Variants in NDST1 observed in about 807,000 individuals in gnomAD.
NDST1 encodes the protein N-deacetylase and N-sulfotransferase 1.
A neutral mutation model predicts 92.8 loss-of-function variants in NDST1; 35 were observed. That is an observed-to-expected ratio of 0.38 (90% CI 0.29 to 0.50). NDST1 has a LOEUF of 0.50. Ranked by LOEUF, NDST1 falls within the 20% of genes least tolerant of loss-of-function variation. NDST1 has a pLI of 0.94. For missense variants in NDST1, 822 were observed against 1,182.7 expected, an observed-to-expected ratio of 0.69 and a Z score of 4.47; for synonymous variants, 493 against 500.3, an observed-to-expected ratio of 0.99 and a Z score of 0.19.
intron 4 of NDST1, 77 bp from the exon 5 acceptor site, chr5:150,534,790 C>A (rs769031648): frequency 1.3e-6 from 2 of 1,588,850 alleles, no homozygotes; most frequent in Non-Finnish European, 1.7e-6. Flanking sequence ...GCCATGCTCT[C>A]CCATCCCCAG....
chr5:150,543,202 C>A (rs2304062), intron 10 of NDST1, among the ~76,000 whole-genome samples: 1 of 152,222 alleles, frequency 6.6e-6, no homozygotes, highest in Non-Finnish European at 1.5e-5. Context: ...TGTAGTCAGA[C>A]GCTGAGGTCG....
intron 1 of NDST1, among the ~76,000 whole-genome samples, chr5:150,512,437 C>T (rs145191757): frequency 6.6e-6 from 1 of 152,366 alleles, no homozygotes; most frequent in East Asian, 1.9e-4. Flanking sequence ...GTGGAAAGGT[C>T]ATGGTCGCCA....
intron 1 of NDST1, among the ~76,000 whole-genome samples, chr5:150,511,335 T>C (rs1753711776): frequency 6.6e-6 from 1 of 152,184 alleles, no homozygotes; most frequent in Non-Finnish European, 1.5e-5. Context: ...TCAGTGAAGT[T>C]GGGAGCCCCA....
intron 2 of NDST1, 113 bp from the exon 3 acceptor site, chr5:150,527,691 T>G: frequency 6.7e-7 from 1 of 1,495,874 alleles, no homozygotes; most frequent in Non-Finnish European, 9.1e-7. Flanking sequence ...GAGCCCTCCA[T>G]GAATGTTGGT....
chr5:150,551,388 C>T (rs1459009382), intron 13 of NDST1, among the ~76,000 whole-genome samples: 1 of 151,258 alleles, frequency 6.6e-6, no homozygotes, highest in Non-Finnish European at 1.5e-5. Flanking sequence ...AAGAAGGCTT[C>T]TTGGGTTTAA....
intron 6 of NDST1, among the ~76,000 whole-genome samples, chr5:150,536,920 A>G (rs1380979763): frequency 1.3e-5 from 2 of 152,256 alleles, no homozygotes; most frequent in Admixed American, 6.5e-5. Flanking sequence ...AGAACGGAGG[A>G]AAGTTCCTGC....
chr5:150,534,743 C>T lies in NDST1; in HGVS notation c.1097-124C>T, dbSNP rs1217631418. 5 of 1,161,578 alleles carry T rather than the reference C, an allele frequency of 4.3e-6. No homozygotes were observed. The East Asian group carries it at 9.5e-5, about 22-fold the overall frequency. 72.0% of individuals were successfully genotyped at this position (1,161,578 alleles called of 1,614,324 possible). A position where few individuals can be genotyped will look rare whatever the true frequency, so the allele number is the denominator to read the frequency against. On this transcript the variant is annotated intron_variant, in intron 4 of 14. Transcript: ENST00000261797. Reference sequence around the variant, plus strand: ...CTCTGTCTGCTCCTGTGCTGTAGCCCAGATAACTCTTCCAGGCAGCTCCTG... The same window carrying T: ...CTCTGTCTGCTCCTGTGCTGTAGCCTAGATAACTCTTCCAGGCAGCTCCTG...
chr5:150,553,739 G>A lies in NDST1; in HGVS notation c.*407G>A, dbSNP rs1237438021. On this transcript the variant is annotated 3_prime_UTR_variant, in exon 15 of 15. Transcript: ENST00000261797. This position sits in a 1 kb window ranked among gnomAD's most constrained non-coding sequence, Gnocchi z 4.2. ...TATGTCCCTGTCCTCCAGGCTGTAG[G>A]GGAGGAGAGCCTGGCCGGGGGAGAC... 4.3e-5 allele frequency: 18 copies of A among 417,174 alleles called. No homozygotes were observed. The Admixed American group carries it at 5.4e-4, about 12-fold the overall frequency. The allele number at this position is 417,174 out of a possible 1,614,324, so 25.8% of individuals were successfully genotyped here. A position where few individuals can be genotyped will look rare whatever the true frequency, so the allele number is the denominator to read the frequency against.
At chr5:150,539,009 T>C (rs578021961) in intron 6 of NDST1, among the ~76,000 whole-genome samples, 1 of 152,372 alleles carries the variant, frequency 6.6e-6, no homozygotes, top group African/African-American at 2.4e-5. Flanking sequence ...CCTGCTCATT[T>C]TGTGCAGAGA....
Position 150,539,310 on chromosome 5 carries a change from A to G in NDST1, c.1520A>G (p.Lys507Arg). The change falls in exon 7 of 15, where the codon AAG becomes AGG. Residue 507 changes from lysine (K) to arginine (R), a missense_variant. Transcript: ENST00000261797. ...EYPGGSSELDKIINGGELFLT... is the reference protein window; with the variant it reads ...EYPGGSSELDRIINGGELFLT... ...CCTGGCGGCTCCAGTGAGCTGGACA[A>G]GATCATCAACGGGGGCGAGCTCTTC... The G allele has an allele frequency of 6.2e-7, 1 of 1,614,200 alleles. No homozygotes were observed. The highest frequency in any genetic ancestry group is 8.5e-7 in the Non-Finnish European group (1 of 1,180,038).
upstream of NDST1, among the ~76,000 whole-genome samples, chr5:150,504,684 C>T (rs1300388250): frequency 6.6e-6 from 1 of 152,164 alleles, no homozygotes; most frequent in Non-Finnish European, 1.5e-5. Flanking sequence ...GCCTGGTGAC[C>T]TTGGGCATGA....
At chr5:150,540,032 G>A (rs1206620983) in intron 7 of NDST1, 50 bp from the exon 8 acceptor site, 2 of 1,606,402 alleles carry the variant, frequency 1.2e-6, no homozygotes, top group African/African-American at 1.3e-5. Context: ...CGGTGAGGGT[G>A]GCTCAGACAC....
intron 2 of NDST1, among the ~76,000 whole-genome samples, chr5:150,526,616 A>G (rs1754488746): frequency 6.6e-6 from 1 of 152,214 alleles, no homozygotes; most frequent in African/African-American, 2.4e-5. Context: ...GGGAGATAGA[A>G]CGCTGAAAAT....
rs776599855 is a variant in NDST1, at chr5:150,548,380, G to A, written c.2308G>A (p.Ala770Thr). 1.7e-5 allele frequency: 28 copies of A among 1,611,406 alleles called. No homozygotes were observed. Among genetic ancestry groups the A allele is most frequent in the Admixed American group, 1.7e-4 (10 of 59,994 alleles). The change falls in exon 12 of 15, where the codon GCC (alanine) becomes ACC (threonine). Residue 770 changes from alanine to threonine, a missense_variant. Ala to Thr is a moderately conservative substitution (Grantham distance 58). Coordinates refer to ENST00000261797, the MANE Select transcript of NDST1 (RefSeq NM_001543.5). ...CGAGCGCTGGCTCAGTGCCTATCAC[G>A]CCAACCAGGTAGCTGCTGTCCCTGA... is the stretch of plus-strand genomic sequence containing the variant. ...HIERWLSAYH[A>T]NQILVLDGKL...
intron 3 of NDST1, among the ~76,000 whole-genome samples, chr5:150,528,922 G>A (rs1754593341): frequency 6.6e-6 from 1 of 152,218 alleles, no homozygotes; most frequent in Non-Finnish European, 1.5e-5. Flanking sequence ...GATGGGAGCT[G>A]TACAATGCTG....
rs555751055 is a variant in NDST1, at chr5:150,520,798, C to G, written c.-387-70C>G. 7.7e-5 allele frequency: 31 copies of G among 403,658 alleles called. No individual in the cohort carries two copies. In the East Asian group the frequency reaches 9.5e-4, roughly 12 times the overall value. 25.0% of individuals were successfully genotyped at this position (403,658 alleles called of 1,614,324 possible). A position where few individuals can be genotyped will look rare whatever the true frequency, so the allele number is the denominator to read the frequency against. ...CATTTGGGCATTCCTAGGTCAGCTC[C>G]TGTGTGTCCACAGTTAGCTGAACCC... On this transcript the variant is annotated intron_variant, in intron 1 of 14. Coordinates refer to ENST00000261797, the MANE Select transcript of NDST1 (RefSeq NM_001543.5).
intron 10 of NDST1, among the ~76,000 whole-genome samples, chr5:150,544,195 A>G (rs1028996281): frequency 6.6e-6 from 1 of 152,236 alleles, no homozygotes; most frequent in African/African-American, 2.4e-5. Context: ...GCGAAACCAT[A>G]TATTTAGTAA....
intron 1 of NDST1, among the ~76,000 whole-genome samples, chr5:150,519,324 T>TC (rs1420097206): frequency 6.6e-6 from 1 of 152,118 alleles, no homozygotes; most frequent in Non-Finnish European, 1.5e-5. Flanking sequence ...AGCCTTGAAT[T>TC]CCCCCCTGGC....
At chr5:150,516,977 GTGTGTGTGTGTGT>G (rs1754000006) in intron 1 of NDST1, among the ~76,000 whole-genome samples, 1 of 8,902 alleles carries the variant, frequency 1.1e-4, no homozygotes, top group Non-Finnish European at 2.4e-4. Flanking sequence ...ACATTTTCTA[GTGTGTGTGTGTGT>G]GTGTGTGTGT....
Sources: gnomAD v4.1 joint callset for allele counts (sites outside exome capture counted in the v4.1 genomes callset) on GRCh38, gnomAD v4.1.1 for gene constraint, Gnocchi (gnomAD v3.1) non-coding constraint, MANE v1.5 for transcripts, NCBI Gene and HGNC (gene_info 2026-07-23, HGNC 2026-07-21) for gene names.